The following CIP2A variants were observed in gnomAD, a reference collection of about 807,000 sequenced individuals.
CIP2A encodes the protein protein CIP2A.
CIP2A carries 103 observed loss-of-function variants against 110.9 expected under a neutral mutation model. The observed-to-expected ratio is 0.93, with a 90% CI of 0.79 to 1.09. CIP2A has a LOEUF of 1.09. Among genes scored for constraint, CIP2A ranks in the 50% least tolerant of loss-of-function variants. The pLI, the probability that CIP2A is intolerant of heterozygous loss-of-function variation, is 0.00. For synonymous variants in CIP2A, 381 were observed against 361.6 expected, an observed-to-expected ratio of 1.05 and a Z score of -0.61; for missense variants, 1,088 against 1,038.4, an observed-to-expected ratio of 1.05 and a Z score of -0.66.
In CIP2A at chr3:108,573,562, T is replaced by C. The variant is rs74745899; in HGVS notation, c.894+2709A>G. Among the ~76,000 whole-genome samples the C allele has an allele frequency of 3.4e-4, 51 of 152,134 alleles. No homozygotes were observed. In the East Asian group the frequency reaches 9.8e-3, roughly 29 times the overall value. On this transcript the variant is annotated intron_variant, in intron 8 of 20. Coordinates refer to ENST00000295746, the MANE Select transcript of CIP2A (RefSeq NM_020890.3). Reference sequence around the variant, plus strand: ...AAATTCCCTGAGACAGTTTAATACCTTTAGATTCGAATACTAGATTTTTCC... The same window carrying C: ...AAATTCCCTGAGACAGTTTAATACCCTTAGATTCGAATACTAGATTTTTCC...
At chr3:108,573,349 C>G (rs924719532) in intron 8 of CIP2A, among the ~76,000 whole-genome samples, 3 of 152,062 alleles carry the variant, frequency 2.0e-5, no homozygotes, top group African/African-American at 7.2e-5. Context: ...AGACACTCAA[C>G]TATATCTTCC....
In CIP2A at chr3:108,557,343, C is replaced by T. The variant is rs62638702; in HGVS notation, c.2085G>A (p.Ala695=). 2.7e-3 allele frequency: 4,300 copies of T among 1,611,946 alleles called. 93 individuals carry two copies. The African/African-American group carries it at 0.049, about 18-fold the overall frequency. Residue 695 remains alanine (A), a synonymous_variant, in exon 17 of 21, where the codon GCG becomes GCA. Transcript: ENST00000295746. Reference sequence around the variant, plus strand: ...GCGCTCTTTCTGATTCAACTTGCTGCGCCTTCAGCAACACACTAAGCTCTT... The same window carrying T: ...GCGCTCTTTCTGATTCAACTTGCTGTGCCTTCAGCAACACACTAAGCTCTT... ...KNEELSVLLK[A]QQVESERAQS... is the part of the protein sequence containing the mutation.
At position 108,550,968 on chromosome 3, in the gene CIP2A, A is replaced by G; in HGVS notation, c.*181T>C. 1 of 369,922 alleles carries G rather than the reference A, an allele frequency of 2.7e-6. No individual in the cohort carries two copies. Among genetic ancestry groups the G allele is most frequent in the South Asian group, 1.4e-4 (1 of 7,370 alleles). The allele number at this position is 369,922 out of a possible 1,614,324, so 22.9% of individuals were successfully genotyped here. A position where few individuals can be genotyped will look rare whatever the true frequency, so the allele number is the denominator to read the frequency against. ...CAGAAACAAAAAGTAAAACTTAGAAAATTAAATTTCTATTCAAACTATCAA... is the reference window on the plus strand; with the variant it reads ...CAGAAACAAAAAGTAAAACTTAGAAGATTAAATTTCTATTCAAACTATCAA... On this transcript the variant is annotated 3_prime_UTR_variant, in exon 21 of 21. Transcript: ENST00000295746.
At chr3:108,586,979 T>TC (rs1437066228) in intron 1 of CIP2A, among the ~76,000 whole-genome samples, 1 of 152,140 alleles carries the variant, frequency 6.6e-6, no homozygotes, top group East Asian at 1.9e-4. Flanking sequence ...ACAAAGACAT[T>TC]CACCATTAAA....
Position 108,575,467 on chromosome 3 carries a change from A to AGT in CIP2A, c.894+802_894+803dup, listed in dbSNP as rs1200928435. Reference sequence around the variant, plus strand: ...ATATACATATACATGTATACATGTGAGTATATATACACATATATGCACACA... The same window carrying AGT: ...ATATACATATACATGTATACATGTGAGTGTATATATACACATATATGCACACA... On this transcript the variant is annotated intron_variant, in intron 8 of 20. Transcript: ENST00000295746. 1.9e-4 allele frequency among the ~76,000 whole-genome samples: 29 copies of AGT among 149,142 alleles called. 1 individual carries two copies. Among genetic ancestry groups the AGT allele is most frequent in the African/African-American group, 6.9e-4 (28 of 40,686 alleles).
chr3:108,587,056 A>G (rs1939066346), intron 1 of CIP2A, among the ~76,000 whole-genome samples: 1 of 152,214 alleles, frequency 6.6e-6, no homozygotes, highest in South Asian at 2.1e-4. Context: ...GTTGGTGTGG[A>G]TAAGTGATGG....
Position 108,557,408 on chromosome 3 carries a change from TCCGTGCCTC to T in CIP2A, c.2014-3_2019del. 6.3e-7 allele frequency: 1 copy of T among 1,579,920 alleles called. No homozygotes were observed. The highest frequency in any genetic ancestry group is 1.4e-5 in the African/African-American group (1 of 72,946). ...ACTTCTCTCAACATACTAGCAAGTG[TCCGTGCCTC>T]AAAAAAAAAAAGAAGATAGACTTTA... On this transcript the variant is annotated splice_acceptor_variant and splice_polypyrimidine_tract_variant and coding_sequence_variant and intron_variant, in exon 17 of 21. Transcript: ENST00000295746. LOFTEE classifies it high-confidence loss of function.
rs760886708 is a variant in CIP2A at position 108,553,679 on chromosome 3, A to AT, written c.2375dup (p.Asn792LysfsTer9). ...GCTTATGTTCTCTGTCTACTAGCTG[A>AT]TTCTGTACTTCTTTTCTCTGTTCTT... On this transcript the variant is annotated frameshift_variant, in exon 19 of 21. Transcript: ENST00000295746. LOFTEE classifies it high-confidence loss of function. The AT allele has an allele frequency of 6.6e-7, 1 of 1,515,712 alleles. No individual in the cohort carries two copies. Among genetic ancestry groups the AT allele is most frequent in the Non-Finnish European group, 9.2e-7 (1 of 1,092,356 alleles). 93.9% of individuals were successfully genotyped at this position (1,515,712 alleles called of 1,614,324 possible). A position where few individuals can be genotyped will look rare whatever the true frequency, so the allele number is the denominator to read the frequency against.
At chr3:108,568,758 T>C (rs558488855) in intron 9 of CIP2A, among the ~76,000 whole-genome samples, 5 of 152,084 alleles carry the variant, frequency 3.3e-5, no homozygotes, top group African/African-American at 9.6e-5. Context: ...CAAGATAAAA[T>C]AGAAAATTTT....
Position 108,563,181 on chromosome 3 carries a change from A to G in CIP2A, c.1579T>C (p.Ser527Pro). The part of the protein sequence containing the change: ...LTSDNREQVQ[S>P]GLRILLEAAP... ...GCCTCCAATAATATTCTCAGTCCAG[A>G]CTGTACTTGTTCTCTATTATCTGAC... Residue 527 changes from serine to proline, a missense_variant, in exon 13 of 21, where the codon TCT (serine) becomes CCT (proline). Physicochemically the swap from Ser to Pro is moderately conservative, Grantham distance 74. Transcript: ENST00000295746. 6.2e-7 allele frequency: 1 copy of G among 1,612,998 alleles called. No individual in the cohort carries two copies.
At chr3:108,556,324 G>A (rs1284779494) in intron 17 of CIP2A, among the ~76,000 whole-genome samples, 1 of 152,126 alleles carries the variant, frequency 6.6e-6, no homozygotes, top group Non-Finnish European at 1.5e-5. Flanking sequence ...CCCCCAGAGT[G>A]TATTTACTTT....
At chr3:108,576,614 C>T (rs895983985) in intron 7 of CIP2A, among the ~76,000 whole-genome samples, 123 of 152,230 alleles carry the variant, frequency 8.1e-4, no homozygotes, top group African/African-American at 2.9e-3. Context: ...TCCACGAATA[C>T]ACATCACTAT....
At chr3:108,559,526 C>T (rs1368895445) in intron 16 of CIP2A, among the ~76,000 whole-genome samples, 1 of 151,764 alleles carries the variant, frequency 6.6e-6, no homozygotes, top group Non-Finnish European at 1.5e-5. Context: ...GTCCCCAACA[C>T]TTAAAGGTAC....
chr3:108,562,959 C>T (rs1044112567), intron 13 of CIP2A, among the ~76,000 whole-genome samples, 167 bp downstream of exon 13: 1 of 152,108 alleles, frequency 6.6e-6, no homozygotes. Context: ...TACATCTGAA[C>T]TTTTCATTTA....
intron 5 of CIP2A, among the ~76,000 whole-genome samples, chr3:108,580,964 T>C (rs1232630173): frequency 1.3e-5 from 2 of 152,202 alleles, no homozygotes; most frequent in Non-Finnish European, 2.9e-5. Context: ...TTAAATTCAT[T>C]TGTGTGTCTT....
rs1347875766 is a variant in CIP2A at position 108,554,630 on chromosome 3, A to C, written c.2211-141T>G. The C allele has an allele frequency of 1.1e-5, 6 of 528,666 alleles. No individual in the cohort carries two copies. In the African/African-American group the frequency reaches 1.2e-4, roughly 10 times the overall value. The allele number at this position is 528,666 out of a possible 1,614,324, so 32.7% of individuals were successfully genotyped here. A position where few individuals can be genotyped will look rare whatever the true frequency, so the allele number is the denominator to read the frequency against. On this transcript the variant is annotated intron_variant, in intron 17 of 20. Transcript: ENST00000295746. ...AGAAGGAATGTTATGAACAAGCAGGACATAAACAGAATTTCATCTACTCTA... is the reference window on the plus strand; with the variant it reads ...AGAAGGAATGTTATGAACAAGCAGGCCATAAACAGAATTTCATCTACTCTA...
intron 13 of CIP2A, 50 bp downstream of exon 13, chr3:108,563,076 C>T (rs760703559): frequency 7.9e-6 from 9 of 1,134,192 alleles, no homozygotes; most frequent in Non-Finnish European, 1.2e-5. Context: ...AGAGACATAG[C>T]AGGGTATTCC....
chr3:108,557,804 C>A (rs1004009700), intron 16 of CIP2A, among the ~76,000 whole-genome samples: 2 of 152,086 alleles, frequency 1.3e-5, no homozygotes, highest in African/African-American at 4.8e-5. Context: ...AAAATCTTAA[C>A]GACATCACAG....
chr3:108,586,666 C>A (rs999575695), intron 1 of CIP2A, among the ~76,000 whole-genome samples: 1 of 152,180 alleles, frequency 6.6e-6, no homozygotes. Context: ...GTAGGTACCA[C>A]TATTTTGTTT....
Sources: gnomAD v4.1 joint callset for allele counts (sites outside exome capture counted in the v4.1 genomes callset) on GRCh38, gnomAD v4.1.1 for gene constraint, MANE v1.5 for transcripts, NCBI Gene and HGNC (gene_info 2026-07-23, HGNC 2026-07-21) for gene names.